The following TEX10 variants were observed in gnomAD, a reference collection of about 807,000 sequenced individuals.
TEX10 encodes testis-expressed protein 10.
Under a neutral mutation model 104.4 loss-of-function variants are expected in TEX10, and 24 were observed. The observed-to-expected ratio is 0.23, with a 90% CI of 0.17 to 0.32. The LOEUF is 0.32. TEX10 is among the 10% of genes least tolerant of loss of function. TEX10 has a pLI of 1.00. For synonymous variants in TEX10, 396 were observed against 393.4 expected (o/e 1.01, Z -0.08); for missense variants, 921 against 1,083.9 (o/e 0.85, Z 2.11).
chr9:100,310,275 G>C (rs1834242480), intron 12 of TEX10, 24 bp downstream of exon 12: 1 of 1,601,658 alleles, frequency 6.2e-7, no homozygotes, highest in Non-Finnish European at 8.6e-7. Flanking sequence ...TCATTCTTAA[G>C]AGAAAAAGTT....
chr9:100,309,003 T>G (rs558656009), intron 12 of TEX10, among the ~76,000 whole-genome samples: 42 of 152,328 alleles, frequency 2.8e-4, no homozygotes, highest in African/African-American at 9.9e-4. Context: ...GATTATTTCA[T>G]GCACTCAAAG....
Position 100,347,070 on chromosome 9 carries a change from C to T in TEX10, c.517G>A (p.Ala173Thr), listed in dbSNP as rs1835318468. The T allele has an allele frequency of 6.2e-7, 1 of 1,614,042 alleles. No homozygotes were observed. The highest frequency in any genetic ancestry group is 1.1e-5 in the South Asian group (1 of 91,088). The change falls in exon 3 of 15, where the codon GCT becomes ACT. Residue 173 changes from alanine to threonine, a missense_variant. By Grantham distance (58) the Ala-to-Thr change is moderately conservative. Coordinates refer to ENST00000374902, the MANE Select transcript of TEX10 (RefSeq NM_017746.4). ...ATGCTGCTACGGCCAGTAATTAGAG[C>T]TGGGTACTGTTCCAGCAGAATGTCC... ...VLDILLEQYPALITGRSSILL... is the reference protein window; with the variant it reads ...VLDILLEQYPTLITGRSSILL...
intron 11 of TEX10, among the ~76,000 whole-genome samples, chr9:100,311,681 T>C (rs369939368): frequency 6.6e-6 from 1 of 152,140 alleles, no homozygotes; most frequent in South Asian, 2.1e-4. Context: ...GCACAAAAAG[T>C]AGAGAGTTAG....
At chr9:100,343,778 A>G (rs1835232512) in intron 4 of TEX10, among the ~76,000 whole-genome samples, 1 of 152,186 alleles carries the variant, frequency 6.6e-6, no homozygotes, top group Non-Finnish European at 1.5e-5. Context: ...TTTCTGAGAG[A>G]AAAAGAGTTA....
intron 11 of TEX10, among the ~76,000 whole-genome samples, chr9:100,312,405 A>AAGTAAATATATTAAGTAT (rs1348126521): frequency 6.6e-6 from 1 of 152,238 alleles, no homozygotes; most frequent in Non-Finnish European, 1.5e-5. Context: ...GAAGCTGATC[A>AAGTAAATATATTAAGTAT]AGTAAATATA....
At chr9:100,341,935 C>T (rs1414293821) in intron 4 of TEX10, among the ~76,000 whole-genome samples, 1 of 152,194 alleles carries the variant, frequency 6.6e-6, no homozygotes, top group Non-Finnish European at 1.5e-5. Context: ...CTGCTCAAAA[C>T]CCTCCAGTGG....
At chr9:100,311,954 T>A (rs1238881236) in intron 11 of TEX10, among the ~76,000 whole-genome samples, 2 of 152,070 alleles carry the variant, frequency 1.3e-5, no homozygotes, top group Admixed American at 6.5e-5. Flanking sequence ...TTTTTATACT[T>A]GTTATTTACA....
At chr9:100,307,788 AACT>A (rs1189059019) in intron 13 of TEX10, 1 of 152,118 alleles carries the variant, frequency 6.6e-6, no homozygotes, top group Non-Finnish European at 1.5e-5. Context: ...TTACCTTTTA[AACT>A]ACATAAATGT....
rs187051766 is a variant in TEX10 at position 100,346,308 on chromosome 9, C to T, written c.901G>A (p.Val301Ile). Residue 301 changes from valine (V) to isoleucine (I), a missense_variant, in exon 4 of 15, where the codon GTT becomes ATT. Val to Ile is a conservative substitution (Grantham distance 29). This residue lies in a region of TEX10 where 753 missense variants were observed against 868.4 expected (regional missense o/e 0.87). Transcript: ENST00000374902. ...TCATCCACACCACTCAGTCCTCCAACCAGATACCTAATAAGGGTAAGAAAG... is the reference window on the plus strand; with the variant it reads ...TCATCCACACCACTCAGTCCTCCAATCAGATACCTAATAAGGGTAAGAAAG... ...VSSQFRLRYL[V>I]GGLSGVDEGL... The T allele has an allele frequency of 6.2e-7, 1 of 1,612,426 alleles. No homozygotes were observed. The highest frequency in any genetic ancestry group is 1.7e-5 in the Admixed American group (1 of 59,736).
chr9:100,322,278 A>C (rs10117799), intron 9 of TEX10, among the ~76,000 whole-genome samples: 69,137 of 152,112 alleles, frequency 0.45, 17,405 homozygotes, highest in East Asian at 0.89. Context: ...AGTTGTAACT[A>C]GGTCTATTTC....
intron 1 of TEX10, chr9:100,352,535 C>G: frequency 6.5e-7 from 1 of 1,548,552 alleles, no homozygotes; most frequent in Non-Finnish European, 8.7e-7. Flanking sequence ...GGACCCGAAA[C>G]CAGGCGAACC....
Position 100,352,851 on chromosome 9 carries a change from G to A in TEX10, c.-89C>T. On this transcript the variant is annotated 5_prime_UTR_variant, in exon 1 of 15. Transcript: ENST00000374902. ...AGAAGCCCACGGGGCAACAGCGTGC[G>A]CCGCCGACCTCAGGCTCTAGCTCCC... 9.9e-7 allele frequency: 1 copy of A among 1,011,358 alleles called. No homozygotes were observed. The highest frequency in any genetic ancestry group is 1.2e-6 in the Non-Finnish European group (1 of 848,290). 62.6% of individuals were successfully genotyped at this position (1,011,358 alleles called of 1,614,324 possible).
chr9:100,313,012 A>G (rs1834317002), intron 11 of TEX10, among the ~76,000 whole-genome samples: 1 of 152,230 alleles, frequency 6.6e-6, no homozygotes, highest in Non-Finnish European at 1.5e-5. Context: ...GAATTTATCA[A>G]GTAAATAAAT....
At chr9:100,338,078 ATTT>A (rs1835057788) in intron 5 of TEX10, among the ~76,000 whole-genome samples, 1 of 152,034 alleles carries the variant, frequency 6.6e-6, no homozygotes, top group South Asian at 2.1e-4. Context: ...TGCGACCCAC[ATTT>A]TTTCCTTTGT....
chr9:100,349,477 A>G (rs1054831430), intron 1 of TEX10, 105 bp from the exon 2 acceptor site: 1 of 678,234 alleles, frequency 1.5e-6, no homozygotes, highest in South Asian at 4.1e-5. Flanking sequence ...TTCAATCGTA[A>G]TCAAGAATCT....
At chr9:100,340,613 A>C (rs1835149703) in intron 4 of TEX10, among the ~76,000 whole-genome samples, 1 of 152,238 alleles carries the variant, frequency 6.6e-6, no homozygotes. Flanking sequence ...TAAGAGAGAA[A>C]AAGTGAAAGT....
At chr9:100,334,593 C>T (rs1314561362) in intron 5 of TEX10, among the ~76,000 whole-genome samples, 1 of 151,620 alleles carries the variant, frequency 6.6e-6, no homozygotes, top group African/African-American at 2.4e-5. Context: ...TCAATTTTTG[C>T]TTGAAAGCTC....
intron 13 of TEX10, chr9:100,305,837 C>T (rs1834129852): frequency 6.6e-6 from 1 of 152,130 alleles, no homozygotes; most frequent in South Asian, 2.1e-4. Flanking sequence ...AATGGGAAGC[C>T]AGGAAAATGC....
At chr9:100,302,723 G>C (rs1036690938) in intron 14 of TEX10, among the ~76,000 whole-genome samples, 1 of 152,090 alleles carries the variant, frequency 6.6e-6, no homozygotes, top group Non-Finnish European at 1.5e-5. Context: ...TCCCCAGTCT[G>C]GGAATAATCC....
Sources: gnomAD v4.1 joint callset for allele counts (sites outside exome capture counted in the v4.1 genomes callset) on GRCh38, gnomAD v4.1.1 for gene constraint, gnomAD v4.1.1 regional missense constraint, MANE v1.5 for transcripts, NCBI Gene and HGNC (gene_info 2026-07-23, HGNC 2026-07-21) for gene names.